The following OGFOD3 variants were observed in gnomAD, a reference collection of about 807,000 sequenced individuals.
OGFOD3 encodes the protein 2-oxoglutarate and iron dependent oxygenase domain containing 3.
A neutral mutation model predicts 39.8 loss-of-function variants in OGFOD3; 35 were observed. That is an observed-to-expected ratio of 0.88 (90% CI 0.67 to 1.17). The LOEUF (loss-of-function observed/expected upper bound fraction) is 1.17. Ranked by LOEUF, OGFOD3 falls within the 50% of genes most tolerant of loss-of-function variation. The probability of loss-of-function intolerance (pLI) is 0.00; values close to 1 mark genes in which losing one functional copy is unlikely to be tolerated. For synonymous variants in OGFOD3, 200 were observed against 192.0 expected (o/e 1.04, Z -0.34); for missense variants, 438 against 454.5 (o/e 0.96, Z 0.33).
intron 7 of OGFOD3, among the ~76,000 whole-genome samples, chr17:82,400,399 A>T (rs2052745324): frequency 6.6e-6 from 1 of 152,236 alleles, no homozygotes; most frequent in Admixed American, 6.5e-5. Context: ...TGCGGACTGC[A>T]CTGCCTTCTG....
rs769088754 is a variant in OGFOD3, at chr17:82,392,257, A to AT, written c.*140dup. 8.7e-6 allele frequency: 8 copies of AT among 922,996 alleles called. No homozygotes were observed. Among genetic ancestry groups the AT allele is most frequent in the Admixed American group, 8.2e-5 (3 of 36,514 alleles). 57.2% of individuals were successfully genotyped at this position (922,996 alleles called of 1,614,324 possible). ...CCTTCATTTACTCACAGATGAAAAG[A>AT]TTAACACGTCAGCAAATCAAAATCA... On this transcript the variant is annotated 3_prime_UTR_variant, in exon 9 of 9. Transcript: ENST00000313056. This position sits in a 1 kb window ranked among gnomAD's most constrained non-coding sequence, Gnocchi z 4.2.
chr17:82,409,307 A>G, intron 4 of OGFOD3, 61 bp downstream of exon 4: 2 of 1,560,372 alleles, frequency 1.3e-6, no homozygotes, highest in Non-Finnish European at 1.8e-6. Context: ...TCCCCTTCCC[A>G]TCCAAGTGAG....
At chr17:82,403,865 C>A (rs1234708682) in intron 7 of OGFOD3, 72 bp downstream of exon 7, 3 of 1,506,988 alleles carry the variant, frequency 2.0e-6, no homozygotes, top group Non-Finnish European at 2.7e-6. Context: ...TGCCCACGTG[C>A]GCACTCACCG....
intron 8 of OGFOD3, among the ~76,000 whole-genome samples, chr17:82,395,543 C>T (rs148077985): frequency 6.0e-4 from 92 of 152,242 alleles, no homozygotes; most frequent in African/African-American, 2.0e-3. Flanking sequence ...GCGACACGGC[C>T]GGGCGTGGTG....
chr17:82,404,167 G>A lies in OGFOD3; in HGVS notation c.546-77C>T, dbSNP rs2052815188. 1 of 1,451,162 alleles carries A rather than the reference G, an allele frequency of 6.9e-7. No individual in the cohort carries two copies. The highest frequency in any genetic ancestry group is 9.1e-7 in the Non-Finnish European group (1 of 1,094,864). The allele number at this position is 1,451,162 out of a possible 1,614,324, so 89.9% of individuals were successfully genotyped here. A position where few individuals can be genotyped will look rare whatever the true frequency, so the allele number is the denominator to read the frequency against. The stretch of plus-strand genomic sequence containing the variant: ...CGTGGGTCCCAACCCGTGGGTGGCA[G>A]GAAAGGAACCAGCCTTCGTACGGCT... On this transcript the variant is annotated intron_variant, in intron 6 of 8. Coordinates refer to ENST00000313056, the MANE Select transcript of OGFOD3 (RefSeq NM_024648.3). This position sits in a 1 kb window ranked among gnomAD's most constrained non-coding sequence, Gnocchi z 4.5.
At chr17:82,410,937 G>T (rs978736628) in intron 3 of OGFOD3, among the ~76,000 whole-genome samples, 1 of 150,064 alleles carries the variant, frequency 6.7e-6, no homozygotes, top group African/African-American at 2.5e-5. Flanking sequence ...CCAGGCTGGT[G>T]TCGATCTCCT....
Position 82,415,586 on chromosome 17 carries a change from C to T in OGFOD3, c.116G>A (p.Trp39Ter). The T allele has an allele frequency of 6.2e-7, 1 of 1,613,516 alleles. No homozygotes were observed. Among genetic ancestry groups the T allele is most frequent in the Non-Finnish European group, 8.5e-7 (1 of 1,179,926 alleles). ...DRAPREVQRL[W>*]QRPWLRTAGL... ...CGCGGTCCTTAGCCACGGCCTCTGCCACAGCCTCTGCACCTCCCGCGGGGC... is the reference window on the plus strand; with the variant it reads ...CGCGGTCCTTAGCCACGGCCTCTGCTACAGCCTCTGCACCTCCCGCGGGGC... Residue 39 changes from tryptophan (W) to a stop codon, truncating the protein, a stop_gained, in exon 2 of 9, where the codon TGG (tryptophan) becomes TAG (stop). Transcript: ENST00000313056. LOFTEE classifies it high-confidence loss of function. This position sits in a 1 kb window ranked among gnomAD's most constrained non-coding sequence, Gnocchi z 5.3.
intron 7 of OGFOD3, among the ~76,000 whole-genome samples, chr17:82,403,389 T>C (rs558205089): frequency 6.6e-6 from 1 of 152,258 alleles, no homozygotes; most frequent in South Asian, 2.1e-4. Context: ...CCCAGCACTT[T>C]GGGGGGCCAA....
At position 82,392,699 on chromosome 17, in the gene OGFOD3, G is replaced by T; in HGVS notation, c.824-165C>A. ...GGAACTGCTTCTGCAGGAAGGAGGA[G>T]CTGGAGAAACAAACGCAGCAATGCT... On this transcript the variant is annotated intron_variant, in intron 8 of 8. Coordinates refer to ENST00000313056, the MANE Select transcript of OGFOD3 (RefSeq NM_024648.3). This position sits in a 1 kb window ranked among gnomAD's most constrained non-coding sequence, Gnocchi z 4.2. The T allele has an allele frequency of 1.2e-6, 1 of 848,992 alleles. No homozygotes were observed. Among genetic ancestry groups the T allele is most frequent in the African/African-American group, 1.7e-5 (1 of 58,258 alleles). 52.6% of individuals were successfully genotyped at this position (848,992 alleles called of 1,614,324 possible).
intron 3 of OGFOD3, among the ~76,000 whole-genome samples, chr17:82,410,864 G>T (rs1009315877): frequency 1.3e-5 from 2 of 148,172 alleles, no homozygotes; most frequent in Non-Finnish European, 3.0e-5. Flanking sequence ...GATTACAGGA[G>T]TGTGCCATCA....
At chr17:82,393,066 G>C (rs866238750) in intron 8 of OGFOD3, 1 of 153,108 alleles carries the variant, frequency 6.5e-6, no homozygotes, top group Admixed American at 6.5e-5. Context: ...CAGCTTCCAC[G>C]GCAGTAACCA....
chr17:82,392,536 T>C lies in OGFOD3; in HGVS notation c.824-2A>G. On this transcript the variant is annotated splice_acceptor_variant, in intron 8 of 8. Coordinates refer to ENST00000313056, the MANE Select transcript of OGFOD3 (RefSeq NM_024648.3). LOFTEE classifies it high-confidence loss of function. The surrounding 1 kb of genome is among the most constrained non-coding windows in gnomAD (Gnocchi z 4.2). ...CCGAGGTGAAGAAGGAGACGCGACC[T>C]GGGAGAGGAGAAGAGAGAGAGGTGG... The C allele has an allele frequency of 6.3e-7, 1 of 1,582,678 alleles. No homozygotes were observed.
chr17:82,412,281 G>A (rs1052617524), intron 2 of OGFOD3, among the ~76,000 whole-genome samples: 70 of 146,760 alleles, frequency 4.8e-4, no homozygotes, highest in Non-Finnish European at 8.9e-4. Context: ...CAGGGTGGTC[G>A]GGGCAGGGGC....
Position 82,392,559 on chromosome 17 carries a change from T to C in OGFOD3, c.824-25A>G. 2.6e-6 allele frequency: 4 copies of C among 1,566,738 alleles called. No individual in the cohort carries two copies. The highest frequency in any genetic ancestry group is 3.5e-6 in the Non-Finnish European group (4 of 1,156,338). ...CCTGGGAGAGGAGAAGAGAGAGAGG[T>C]GGCCATAGAGCCACACCCACGGCCA... On this transcript the variant is annotated intron_variant, in intron 8 of 8. Coordinates refer to ENST00000313056, the MANE Select transcript of OGFOD3 (RefSeq NM_024648.3). The surrounding 1 kb of genome is among the most constrained non-coding windows in gnomAD (Gnocchi z 4.2).
Position 82,390,393 on chromosome 17 carries a change from C to G in OGFOD3, c.*2005G>C, listed in dbSNP as rs1010717691. 1.3e-5 allele frequency: 2 copies of G among 152,322 alleles called. No individual in the cohort carries two copies. Among genetic ancestry groups the G allele is most frequent in the African/African-American group, 4.8e-5 (2 of 41,450 alleles). 9.4% of individuals were successfully genotyped at this position (152,322 alleles called of 1,614,324 possible). A position where few individuals can be genotyped will look rare whatever the true frequency, so the allele number is the denominator to read the frequency against. ...CCACCCACGATGGGGCCCACCAGCC[C>G]GACCCGGAGAGTGTCCGTGAAGCAG... On this transcript the variant is annotated 3_prime_UTR_variant, in exon 9 of 9. Transcript: ENST00000313056. The surrounding 1 kb of genome is among the most constrained non-coding windows in gnomAD (Gnocchi z 4.9).
chr17:82,395,125 A>G (rs1289642128), intron 8 of OGFOD3, among the ~76,000 whole-genome samples: 3 of 152,150 alleles, frequency 2.0e-5, no homozygotes, highest in Admixed American at 2.0e-4. Flanking sequence ...TCCTCCTCCC[A>G]GGCTCAAGCA....
intron 7 of OGFOD3, among the ~76,000 whole-genome samples, chr17:82,400,088 A>T (rs944401933): frequency 6.6e-6 from 1 of 152,112 alleles, no homozygotes; most frequent in Non-Finnish European, 1.5e-5. Flanking sequence ...CCTGGGAAGG[A>T]GAGCAGGATC....
rs1373882691 is a variant in OGFOD3, at chr17:82,415,671, G to A, written c.75-44C>T. 20 of 1,531,284 alleles carry A rather than the reference G, an allele frequency of 1.3e-5. No homozygotes were observed. The Admixed American group carries it at 3.9e-4, about 30-fold the overall frequency. The allele number at this position is 1,531,284 out of a possible 1,614,324, so 94.9% of individuals were successfully genotyped here. A position where few individuals can be genotyped will look rare whatever the true frequency, so the allele number is the denominator to read the frequency against. Reference sequence around the variant, plus strand: ...CCACGTCACCCAAACACGGAGTGAGGCCAGAGAAAACGCTCCCCGATCATC... The same window carrying A: ...CCACGTCACCCAAACACGGAGTGAGACCAGAGAAAACGCTCCCCGATCATC... On this transcript the variant is annotated intron_variant, in intron 1 of 8. Coordinates refer to ENST00000313056, the MANE Select transcript of OGFOD3 (RefSeq NM_024648.3). The surrounding 1 kb of genome is among the most constrained non-coding windows in gnomAD (Gnocchi z 5.3).
At chr17:82,405,259 C>G in intron 6 of OGFOD3, 65 bp downstream of exon 6, 1 of 1,442,402 alleles carries the variant, frequency 6.9e-7, no homozygotes, top group Non-Finnish European at 9.7e-7. Context: ...CCGGCCAGCT[C>G]TGCCACACCC....
Sources: gnomAD v4.1 joint callset for allele counts (sites outside exome capture counted in the v4.1 genomes callset) on GRCh38, gnomAD v4.1.1 for gene constraint, Gnocchi (gnomAD v3.1) non-coding constraint, MANE v1.5 for transcripts, NCBI Gene and HGNC (gene_info 2026-07-23, HGNC 2026-07-21) for gene names.